The following PLEKHM3 variants were observed in gnomAD, a reference collection of about 807,000 sequenced individuals.
The protein encoded by PLEKHM3 is pleckstrin homology domain-containing family M member 3.
A neutral mutation model predicts 81.8 loss-of-function variants in PLEKHM3; 45 were observed. The ratio of observed to expected loss-of-function variants is 0.55; its 90% CI spans 0.43 to 0.71. PLEKHM3 has a LOEUF of 0.71. PLEKHM3 is among the 30% of genes least tolerant of loss of function. The probability of loss-of-function intolerance (pLI) is 0.00; values close to 1 mark genes in which losing one functional copy is unlikely to be tolerated. For missense variants in PLEKHM3, 788 were observed against 924.3 expected (o/e 0.85, Z 1.91); for synonymous variants, 352 against 356.4 (o/e 0.99, Z 0.14).
intron 2 of PLEKHM3, among the ~76,000 whole-genome samples, chr2:208,000,766 T>G (rs1692269805): frequency 6.6e-6 from 1 of 152,170 alleles, no homozygotes; most frequent in Non-Finnish European, 1.5e-5. Flanking sequence ...AGGGAGAATT[T>G]ACCGTAATTG....
At chr2:208,019,899 A>G (rs1693066307) in intron 1 of PLEKHM3, among the ~76,000 whole-genome samples, 1 of 152,268 alleles carries the variant, frequency 6.6e-6, no homozygotes, top group South Asian at 2.1e-4. Flanking sequence ...GAATTAACAA[A>G]TTAATGAATC....
intron 3 of PLEKHM3, among the ~76,000 whole-genome samples, chr2:207,950,112 A>G (rs1335510168): frequency 6.6e-6 from 1 of 152,206 alleles, no homozygotes; most frequent in Admixed American, 6.5e-5. Flanking sequence ...GATAGGGTCC[A>G]TTCAGGTTTT....
intron 6 of PLEKHM3, among the ~76,000 whole-genome samples, 193 bp downstream of exon 6, chr2:207,908,321 C>T (rs922959339): frequency 2.0e-5 from 3 of 152,220 alleles, no homozygotes; most frequent in Non-Finnish European, 2.9e-5. Context: ...AGTTTCTCTG[C>T]ATCCTTGCCA....
chr2:207,967,962 G>A (rs149213579), intron 3 of PLEKHM3, among the ~76,000 whole-genome samples: 142 of 152,094 alleles, frequency 9.3e-4, no homozygotes, highest in Non-Finnish European at 1.7e-3. Context: ...TTATTATTGT[G>A]TACCTTTACT....
At chr2:207,867,945 A>C (rs1393097477) in intron 6 of PLEKHM3, among the ~76,000 whole-genome samples, 2 of 152,276 alleles carry the variant, frequency 1.3e-5, no homozygotes, top group Middle Eastern at 3.4e-3. Flanking sequence ...AGAATGAAGA[A>C]TAGAAAAGAG....
intron 4 of PLEKHM3, among the ~76,000 whole-genome samples, chr2:207,931,890 T>G (rs1689611086): frequency 6.6e-6 from 1 of 152,196 alleles, no homozygotes; most frequent in Non-Finnish European, 1.5e-5. Context: ...GGAGAATTGC[T>G]TGAACTCAGA....
At chr2:207,877,361 G>C (rs1364427076) in intron 6 of PLEKHM3, among the ~76,000 whole-genome samples, 2 of 152,098 alleles carry the variant, frequency 1.3e-5, no homozygotes, top group African/African-American at 4.8e-5. Flanking sequence ...GAAACACCAG[G>C]CCAGAGGAAG....
At chr2:207,889,257 T>C (rs2105867376) in intron 6 of PLEKHM3, among the ~76,000 whole-genome samples, 1 of 152,204 alleles carries the variant, frequency 6.6e-6, no homozygotes, top group Non-Finnish European at 1.5e-5. Context: ...GGGCCGTGAC[T>C]TCCTATTGAA....
rs1275801266 is a variant in PLEKHM3, at chr2:208,001,605, G to C, written c.35C>G (p.Ala12Gly). The change falls in exon 2 of 8, where the codon GCC becomes GGC. Residue 12 changes from alanine to glycine, a missense_variant. Coordinates refer to ENST00000427836, the MANE Select transcript of PLEKHM3 (RefSeq NM_001080475.3). ...EALEVDDISP[A>G]LEVTEEFFST... ...AAAGAATTCCTCCGTAACTTCTAAG[G>C]CTGGGCTGATATCATCCACTTCCAA... The C allele has an allele frequency of 2.5e-6, 4 of 1,613,934 alleles. No individual in the cohort carries two copies. Among genetic ancestry groups the C allele is most frequent in the East Asian group, 2.2e-5 (1 of 44,886 alleles).
At position 207,931,086 on chromosome 2, in the gene PLEKHM3, C is replaced by G; in HGVS notation, c.1726G>C (p.Val576Leu). ...ATGTCGATGAGCGGCTCTTCGTACA[C>G]GTACTCCAGAAACTCCTTGGCCTGC... ...SKQAKEFLEY[V>L]YEEPLIDIQQ... The change falls in exon 5 of 8, where the codon GTG becomes CTG. Residue 576 changes from valine to leucine, a missense_variant. By Grantham distance (32) the Val-to-Leu change is conservative (BLOSUM62 1). Transcript: ENST00000427836. 2 of 1,613,660 alleles carry G rather than the reference C, an allele frequency of 1.2e-6. No homozygotes were observed. Among genetic ancestry groups the G allele is most frequent in the South Asian group, 1.1e-5 (1 of 91,040 alleles).
At chr2:207,887,697 A>G (rs1191911056) in intron 6 of PLEKHM3, among the ~76,000 whole-genome samples, 3 of 152,234 alleles carry the variant, frequency 2.0e-5, no homozygotes, top group African/African-American at 7.2e-5. Flanking sequence ...GGTCCTGAAC[A>G]AAAAAGACAT....
intron 1 of PLEKHM3, among the ~76,000 whole-genome samples, chr2:208,021,617 T>C (rs965593527): frequency 1.3e-5 from 2 of 152,220 alleles, no homozygotes; most frequent in Non-Finnish European, 2.9e-5. Flanking sequence ...TTTAAAATAA[T>C]GTTTATTGAC....
chr2:208,018,297 T>A (rs1320887798), intron 1 of PLEKHM3, among the ~76,000 whole-genome samples: 1 of 147,160 alleles, frequency 6.8e-6, no homozygotes, highest in Non-Finnish European at 1.5e-5. Context: ...TGTTTGAACC[T>A]GGGAGGCGGA....
At chr2:207,968,841 A>G (rs1691015028) in intron 3 of PLEKHM3, among the ~76,000 whole-genome samples, 1 of 152,212 alleles carries the variant, frequency 6.6e-6, no homozygotes, top group Admixed American at 6.5e-5. Flanking sequence ...CTTAGACAAT[A>G]CAACATAAGA....
At chr2:207,979,156 T>C (rs1691433291) in intron 2 of PLEKHM3, among the ~76,000 whole-genome samples, 1 of 152,190 alleles carries the variant, frequency 6.6e-6, no homozygotes, top group Admixed American at 6.5e-5. Flanking sequence ...CCGTAATCAA[T>C]GATTAGCTGC....
At position 207,976,580 on chromosome 2, in the gene PLEKHM3, T is replaced by A. The variant is rs1691315462; in HGVS notation, c.1546+71A>T. 9 of 1,446,352 alleles carry A rather than the reference T, an allele frequency of 6.2e-6. No homozygotes were observed. Among genetic ancestry groups the A allele is most frequent in the Middle Eastern group, 1.8e-4 (1 of 5,506 alleles). 89.6% of individuals were successfully genotyped at this position (1,446,352 alleles called of 1,614,324 possible). A position where few individuals can be genotyped will look rare whatever the true frequency, so the allele number is the denominator to read the frequency against. ...GTGACTAGCCTATTAAGGGGATTTT[T>A]AAAGTGAATTCCAATTGTGGGGTTC... On this transcript the variant is annotated intron_variant, in intron 3 of 7. Coordinates refer to ENST00000427836, the MANE Select transcript of PLEKHM3 (RefSeq NM_001080475.3). The surrounding 1 kb of genome is among the most constrained non-coding windows in gnomAD (Gnocchi z 4.1).
Position 207,977,517 on chromosome 2 carries a change from T to G in PLEKHM3, c.680A>C (p.Tyr227Ser). The change falls in exon 3 of 8, where the codon TAC (tyrosine) becomes TCC (serine). Residue 227 changes from tyrosine to serine, a missense_variant. Tyr to Ser is a moderately radical substitution (Grantham distance 144). Coordinates refer to ENST00000427836, the MANE Select transcript of PLEKHM3 (RefSeq NM_001080475.3). Reference sequence around the variant, plus strand: ...AAGTTCTGCATAACAGCTTTGCCAGTAACTGTCATGGTCCTTTCTAATCTC... The same window carrying G: ...AAGTTCTGCATAACAGCTTTGCCAGGAACTGTCATGGTCCTTTCTAATCTC... ...YLEIRKDHDS[Y>S]WQSCYAELSP... 6.2e-7 allele frequency: 1 copy of G among 1,614,168 alleles called. No homozygotes were observed. Among genetic ancestry groups the G allele is most frequent in the Non-Finnish European group, 8.5e-7 (1 of 1,179,994 alleles).
intron 1 of PLEKHM3, among the ~76,000 whole-genome samples, chr2:208,022,059 A>C (rs960736824): frequency 6.6e-5 from 10 of 152,210 alleles, no homozygotes; most frequent in African/African-American, 2.4e-4. Flanking sequence ...CTAGAAGTGG[A>C]ATTAACTGGG....
intron 7 of PLEKHM3, among the ~76,000 whole-genome samples, chr2:207,853,815 G>A (rs923008434): frequency 6.6e-6 from 1 of 151,992 alleles, no homozygotes; most frequent in African/African-American, 2.4e-5. Context: ...CTGTTGCCCA[G>A]GCTGGAGTGC....
Sources: allele counts gnomAD v4.1 joint callset (sites outside exome capture counted in the v4.1 genomes callset), GRCh38; gene constraint gnomAD v4.1.1; non-coding constraint Gnocchi (gnomAD v3.1); transcripts MANE v1.5; gene names NCBI Gene and HGNC (gene_info 2026-07-23, HGNC 2026-07-21).